Variants in ENAH observed in about 807,000 individuals in gnomAD.
The protein encoded by ENAH is protein enabled homolog.
Under a neutral mutation model 78.7 loss-of-function variants are expected in ENAH, and 23 were observed. That is an observed-to-expected ratio of 0.29 (90% CI 0.21 to 0.41). ENAH has a LOEUF of 0.41. Ranked by LOEUF, ENAH falls within the 10% of genes least tolerant of loss-of-function variation. The pLI, the probability that ENAH is intolerant of heterozygous loss-of-function variation, is 1.00. For missense variants in ENAH, 544 were observed against 691.0 expected, an observed-to-expected ratio of 0.79 and a Z score of 2.39; for synonymous variants, 226 against 241.0, an observed-to-expected ratio of 0.94 and a Z score of 0.58.
Position 225,564,297 on chromosome 1 carries a change from G to GT in ENAH, c.171+2951dup, listed in dbSNP as rs375976118. 2.7e-3 allele frequency among the ~76,000 whole-genome samples: 403 copies of GT among 148,756 alleles called. 2 individuals carry two copies. The highest frequency in any genetic ancestry group is 7.5e-3 in the East Asian group (38 of 5,058). ...CCTGGCTAGTTGTTTGGGGTTTTTT[G>GT]TTTTTTTTTGAGATGGTGTTTCGCT... On this transcript the variant is annotated intron_variant, in intron 2 of 13. Transcript: ENST00000366843.
intron 11 of ENAH, among the ~76,000 whole-genome samples, chr1:225,503,668 A>AAAAAC (rs2096300795): frequency 6.7e-6 from 1 of 149,982 alleles, no homozygotes. Context: ...CAAAAAAAAA[A>AAAAAC]AAAAAAAAAA....
At chr1:225,617,878 A>C (rs984882208) in intron 1 of ENAH, among the ~76,000 whole-genome samples, 2 of 152,330 alleles carry the variant, frequency 1.3e-5, no homozygotes, top group African/African-American at 4.8e-5. Flanking sequence ...TTTGAACTGA[A>C]AGGTTCTGTT....
At chr1:225,621,534 C>T (rs1208847058) in intron 1 of ENAH, among the ~76,000 whole-genome samples, 2 of 151,934 alleles carry the variant, frequency 1.3e-5, no homozygotes, top group Non-Finnish European at 2.9e-5. Flanking sequence ...CCTCGTGATC[C>T]GCCCGCCTCG....
rs747483495 is a variant in ENAH, at chr1:225,567,429, A to G, written c.6-15T>C. 4 of 1,596,204 alleles carry G rather than the reference A, an allele frequency of 2.5e-6. No homozygotes were observed. In the South Asian group the frequency reaches 4.5e-5, roughly 18 times the overall value. On this transcript the variant is annotated splice_polypyrimidine_tract_variant and intron_variant, in intron 1 of 13. Transcript: ENST00000366843. ...TACTCTGTTCACTGTAAAAAATAAA[A>G]TAAAATATTCAAACTTGCAATATTT...
intron 1 of ENAH, among the ~76,000 whole-genome samples, chr1:225,597,177 T>C (rs1013583000): frequency 6.6e-6 from 1 of 152,182 alleles, no homozygotes; most frequent in Admixed American, 6.5e-5. Flanking sequence ...ATTCTACCCA[T>C]AGGAAAATAT....
At chr1:225,642,211 A>G (rs1431294236) in intron 1 of ENAH, among the ~76,000 whole-genome samples, 2 of 146,372 alleles carry the variant, frequency 1.4e-5, no homozygotes, top group Non-Finnish European at 3.0e-5. Flanking sequence ...CATCTCAGGA[A>G]AAAAAAAAAA....
chr1:225,616,323 T>C (rs1278536603), intron 1 of ENAH, among the ~76,000 whole-genome samples: 2 of 130,010 alleles, frequency 1.5e-5, no homozygotes, highest in Admixed American at 7.8e-5. Context: ...GAATGATCAA[T>C]AAATACTTAA....
At chr1:225,545,605 G>A (rs1316817608) in intron 3 of ENAH, among the ~76,000 whole-genome samples, 5 of 152,032 alleles carry the variant, frequency 3.3e-5, no homozygotes, top group Non-Finnish European at 7.4e-5. Context: ...AATCTCTTTA[G>A]CATTTAACAC....
At chr1:225,643,273 A>G (rs940904689) in intron 1 of ENAH, among the ~76,000 whole-genome samples, 4 of 152,216 alleles carry the variant, frequency 2.6e-5, no homozygotes. Flanking sequence ...ATGAGGAAAC[A>G]CTAATAGTTC....
At chr1:225,648,293 AC>A (rs1281342015) in intron 1 of ENAH, among the ~76,000 whole-genome samples, 2 of 152,216 alleles carry the variant, frequency 1.3e-5, no homozygotes, top group Non-Finnish European at 2.9e-5. Flanking sequence ...AATTGAAATC[AC>A]ATTTTTTCAA....
intron 1 of ENAH, among the ~76,000 whole-genome samples, chr1:225,650,644 T>C (rs887605080): frequency 1.3e-5 from 2 of 151,276 alleles, no homozygotes; most frequent in African/African-American, 4.9e-5. Context: ...AGGTCCGGAG[T>C]TGGAGACCAT....
chr1:225,525,049 C>A, intron 4 of ENAH, among the ~76,000 whole-genome samples: 1 of 152,088 alleles, frequency 6.6e-6, no homozygotes, highest in African/African-American at 2.4e-5. Flanking sequence ...GAACAGTAAT[C>A]CTCTTACTAA....
At chr1:225,574,217 G>C (rs2096776789) in intron 1 of ENAH, among the ~76,000 whole-genome samples, 1 of 152,154 alleles carries the variant, frequency 6.6e-6, no homozygotes, top group South Asian at 2.1e-4. Flanking sequence ...ACACAATTGT[G>C]TTAGGTTTCA....
chr1:225,640,654 C>A (rs896663715), intron 1 of ENAH, among the ~76,000 whole-genome samples: 2 of 152,110 alleles, frequency 1.3e-5, no homozygotes, highest in South Asian at 2.1e-4. Flanking sequence ...TGACCCTGGG[C>A]AAGTCACTTA....
chr1:225,649,695 T>C (rs1425673534), intron 1 of ENAH, among the ~76,000 whole-genome samples: 1 of 152,202 alleles, frequency 6.6e-6, no homozygotes, highest in Non-Finnish European at 1.5e-5. Context: ...AGTAAATCTA[T>C]ATACTGCATT....
At chr1:225,579,044 A>G (rs1275517549) in intron 1 of ENAH, among the ~76,000 whole-genome samples, 2 of 152,220 alleles carry the variant, frequency 1.3e-5, no homozygotes, top group African/African-American at 4.8e-5. Flanking sequence ...TTATTTCTTC[A>G]ACAACCTTAT....
At chr1:225,511,931 C>G in intron 9 of ENAH, 72 bp from the exon 10 acceptor site, 1 of 966,644 alleles carries the variant, frequency 1.0e-6, no homozygotes, top group Middle Eastern at 2.5e-4. Flanking sequence ...GTGTTTTACA[C>G]GAACACTTCT....
intron 1 of ENAH, among the ~76,000 whole-genome samples, chr1:225,645,091 G>T (rs566432058): frequency 2.6e-5 from 4 of 152,092 alleles, no homozygotes; most frequent in Admixed American, 6.6e-5. Context: ...GCATTCCCAC[G>T]TGCTTGTTTC....
chr1:225,630,501 T>G (rs1184330355), intron 1 of ENAH, among the ~76,000 whole-genome samples: 3 of 152,210 alleles, frequency 2.0e-5, no homozygotes, highest in African/African-American at 7.2e-5. Context: ...AGTTACTAAA[T>G]GGGATGCAAA....
Sources: gnomAD v4.1 joint callset for allele counts (sites outside exome capture counted in the v4.1 genomes callset) on GRCh38, gnomAD v4.1.1 for gene constraint, MANE v1.5 for transcripts, NCBI Gene and HGNC (gene_info 2026-07-23, HGNC 2026-07-21) for gene names.